TAFA4: variants seen among roughly 807,000 people sequenced by gnomAD.
TAFA4 encodes the protein chemokine-like protein TAFA-4.
Under a neutral mutation model 21.1 loss-of-function variants are expected in TAFA4, and 20 were observed. The observed-to-expected ratio is 0.95, with a 90% CI of 0.67 to 1.38. TAFA4 has a LOEUF of 1.38. Ranked by LOEUF, TAFA4 falls within the 40% of genes most tolerant of loss-of-function variation. The pLI is 0.00. For synonymous variants in TAFA4, 71 were observed against 67.4 expected (o/e 1.05, Z -0.26); for missense variants, 211 against 180.9 (o/e 1.17, Z -0.95).
intron 1 of TAFA4, among the ~76,000 whole-genome samples, chr3:68,902,518 C>T (rs2089854646): frequency 6.6e-6 from 1 of 152,108 alleles, no homozygotes; most frequent in South Asian, 2.1e-4. Flanking sequence ...CAGGCACATG[C>T]TAGCATGCCT....
chr3:68,749,246 T>C (rs939830791), intron 4 of TAFA4, among the ~76,000 whole-genome samples: 3 of 152,232 alleles, frequency 2.0e-5, no homozygotes, highest in African/African-American at 4.8e-5. Context: ...TATGGTTTTA[T>C]AGAAAAGCAA....
intron 3 of TAFA4, among the ~76,000 whole-genome samples, chr3:68,817,335 T>C (rs967177907): frequency 1.4e-4 from 21 of 152,166 alleles, no homozygotes; most frequent in Non-Finnish European, 1.0e-4. Context: ...CTTCTAACTC[T>C]CTTGCTATTT....
rs1172697611 is a variant in TAFA4 at position 68,732,412 on chromosome 3, T to G, written c.*730A>C. 6.6e-6 allele frequency: 1 copy of G among 152,624 alleles called. No homozygotes were observed. The highest frequency in any genetic ancestry group is 1.5e-5 in the Non-Finnish European group (1 of 68,032). 9.5% of individuals were successfully genotyped at this position (152,624 alleles called of 1,614,324 possible). Reference sequence around the variant, plus strand: ...AAAATTCCAACAAGTTTTATAAATATGTTCTGATAGAGCTTTGGTTATAAA... The same window carrying G: ...AAAATTCCAACAAGTTTTATAAATAGGTTCTGATAGAGCTTTGGTTATAAA... On this transcript the variant is annotated 3_prime_UTR_variant, in exon 6 of 6. Coordinates refer to ENST00000295569, the MANE Select transcript of TAFA4 (RefSeq NM_182522.5).
chr3:68,886,714 A>AT (rs2089676889), intron 1 of TAFA4, among the ~76,000 whole-genome samples: 1 of 152,210 alleles, frequency 6.6e-6, no homozygotes, highest in South Asian at 2.1e-4. Flanking sequence ...TCATTCAGTC[A>AT]TATTTTCCCA....
At chr3:68,868,700 A>C (rs2089447472) in intron 3 of TAFA4, among the ~76,000 whole-genome samples, 1 of 152,042 alleles carries the variant, frequency 6.6e-6, no homozygotes, top group African/African-American at 2.4e-5. Context: ...AAAGGAATGA[A>C]AATGTAAACA....
chr3:68,792,253 A>G (rs1703375874), intron 3 of TAFA4, among the ~76,000 whole-genome samples: 1 of 152,204 alleles, frequency 6.6e-6, no homozygotes, highest in African/African-American at 2.4e-5. Flanking sequence ...GTGGAGGGAA[A>G]TCATCAATTA....
At position 68,846,093 on chromosome 3, in the gene TAFA4, A is replaced by G. The variant is rs543155718; in HGVS notation, c.130+34637T>C. On this transcript the variant is annotated intron_variant, in intron 3 of 5. Coordinates refer to ENST00000295569, the MANE Select transcript of TAFA4 (RefSeq NM_182522.5). ...TAGGTTGGGGAAGTTCTCCTGGATA[A>G]TATTCTGAAGAGTGTTTTCCAGCTT... Among the ~76,000 whole-genome samples, 3 of 152,108 alleles carry G rather than the reference A, an allele frequency of 2.0e-5. No homozygotes were observed. The East Asian group carries it at 5.8e-4, about 30-fold the overall frequency.
chr3:68,875,065 A>C (rs1356732797), intron 3 of TAFA4, among the ~76,000 whole-genome samples: 4 of 152,108 alleles, frequency 2.6e-5, no homozygotes, highest in Non-Finnish European at 5.9e-5. Flanking sequence ...GCTGGTACAA[A>C]ATGAGTAAGT....
chr3:68,913,741 C>CA (rs2107009286), intron 1 of TAFA4: 1 of 149,536 alleles, frequency 6.7e-6, no homozygotes, highest in East Asian at 1.9e-4. Context: ...CTAATCTGAT[C>CA]AATGTCTGAA....
intron 5 of TAFA4, among the ~76,000 whole-genome samples, chr3:68,734,183 A>G (rs146726665): frequency 2.0e-5 from 3 of 152,292 alleles, no homozygotes; most frequent in East Asian, 1.9e-4. Flanking sequence ...TGAATTTCAT[A>G]TAATCTTCAT....
chr3:68,833,643 T>G (rs956367744), intron 3 of TAFA4, among the ~76,000 whole-genome samples: 25 of 152,172 alleles, frequency 1.6e-4, no homozygotes, highest in African/African-American at 6.0e-4. Flanking sequence ...ATGTAAATAG[T>G]TAATTTGGTT....
At chr3:68,919,693 T>A (rs894762732) in intron 1 of TAFA4, among the ~76,000 whole-genome samples, 1 of 152,206 alleles carries the variant, frequency 6.6e-6, no homozygotes, top group Non-Finnish European at 1.5e-5. Context: ...AGCAAGAAGT[T>A]TGGAACATTT....
intron 1 of TAFA4, among the ~76,000 whole-genome samples, chr3:68,923,677 C>T (rs1217530862): frequency 1.3e-5 from 2 of 152,096 alleles, no homozygotes; most frequent in East Asian, 3.9e-4. Flanking sequence ...ATCTGACCTA[C>T]AGGAACTCCA....
At chr3:68,840,745 G>A (rs546452454) in intron 3 of TAFA4, among the ~76,000 whole-genome samples, 3 of 152,234 alleles carry the variant, frequency 2.0e-5, no homozygotes, top group South Asian at 2.1e-4. Flanking sequence ...AGCTGGTTTA[G>A]CAGTAAACTC....
At chr3:68,763,749 T>C (rs542222778) in intron 3 of TAFA4, among the ~76,000 whole-genome samples, 59 of 152,208 alleles carry the variant, frequency 3.9e-4, no homozygotes, top group Non-Finnish European at 7.6e-4. Flanking sequence ...CCACTTTTTT[T>C]CTAATAATAT....
intron 3 of TAFA4, among the ~76,000 whole-genome samples, chr3:68,786,252 G>A (rs1703259431): frequency 6.6e-6 from 1 of 152,066 alleles, no homozygotes; most frequent in African/African-American, 2.4e-5. Context: ...ATGTATCCTG[G>A]AACTTAAAAT....
intron 1 of TAFA4, among the ~76,000 whole-genome samples, chr3:68,908,710 G>C (rs1239174555): frequency 6.6e-6 from 1 of 152,130 alleles, no homozygotes; most frequent in Non-Finnish European, 1.5e-5. Flanking sequence ...TTCAAGATGA[G>C]TAAGTCATAC....
At chr3:68,863,229 G>C (rs1487154651) in intron 3 of TAFA4, among the ~76,000 whole-genome samples, 1 of 152,030 alleles carries the variant, frequency 6.6e-6, no homozygotes, top group Non-Finnish European at 1.5e-5. Context: ...CTAGGTGACA[G>C]AGTGAGACCC....
chr3:68,765,590 G>C lies in TAFA4; in HGVS notation c.131-12572C>G, dbSNP rs1485127615. Among the ~76,000 whole-genome samples the C allele has an allele frequency of 2.0e-5, 3 of 152,148 alleles. No homozygotes were observed. The East Asian group carries it at 5.8e-4, about 29-fold the overall frequency. On this transcript the variant is annotated intron_variant, in intron 3 of 5. Transcript: ENST00000295569. ...TCTTTAATAGCACTTAGCAGTACCA[G>C]ATTTCAATTGATTTTTAAATTTCTA...
Sources: allele counts gnomAD v4.1 joint callset (sites outside exome capture counted in the v4.1 genomes callset), GRCh38; gene constraint gnomAD v4.1.1; transcripts MANE v1.5; gene names NCBI Gene and HGNC (gene_info 2026-07-23, HGNC 2026-07-21).